Variants in CLOCK observed in about 807,000 individuals in gnomAD.
The protein encoded by CLOCK is circadian locomoter output cycles protein kaput.
CLOCK carries 43 observed loss-of-function variants against 118.4 expected under a neutral mutation model. The ratio of observed to expected loss-of-function variants is 0.36; its 90% CI spans 0.28 to 0.47. The LOEUF is 0.47. Ranked by LOEUF, CLOCK falls within the 20% of genes least tolerant of loss-of-function variation. The pLI, the probability that CLOCK is intolerant of heterozygous loss-of-function variation, is 1.00. For synonymous variants in CLOCK, 326 were observed against 339.2 expected (o/e 0.96, Z 0.43); for missense variants, 846 against 999.9 (o/e 0.85, Z 2.08).
At chr4:55,439,024 TA>T (rs1723132709) in intron 21 of CLOCK, among the ~76,000 whole-genome samples, 1 of 152,098 alleles carries the variant, frequency 6.6e-6, no homozygotes, top group African/African-American at 2.4e-5. Flanking sequence ...TGTATCAAAT[TA>T]AAAATCTTGT....
chr4:55,533,788 A>C (rs932471405), intron 1 of CLOCK, among the ~76,000 whole-genome samples: 3 of 152,162 alleles, frequency 2.0e-5, no homozygotes, highest in Non-Finnish European at 2.9e-5. Context: ...CTGTAATCCC[A>C]GCTACTCGGG....
rs34789226 is a variant in CLOCK, at chr4:55,463,739, T to C, written c.505A>G (p.Ile169Val). The C allele has an allele frequency of 7.3e-5, 118 of 1,612,422 alleles. No individual in the cohort carries two copies. The African/African-American group carries it at 1.4e-3, about 19-fold the overall frequency. ...CTTTCCAGCAGATGAGTAGAGAGTA[T>C]TTTATAAACCTCTGAATGTTCCCCT... ...PEGEHSEVYK[I>V]LSTHLLESDS... The change falls in exon 9 of 23, where the codon ATA (isoleucine) becomes GTA (valine). Residue 169 changes from isoleucine to valine, a missense_variant. Ile to Val is a conservative substitution (Grantham distance 29). Coordinates refer to ENST00000513440, the MANE Select transcript of CLOCK (RefSeq NM_004898.4).
Position 55,442,535 on chromosome 4 carries a change from A to G in CLOCK, c.2002T>C (p.Ser668Pro). Residue 668 changes from serine (S) to proline (P), a missense_variant, in exon 21 of 23, where the codon TCT (serine) becomes CCT (proline). Transcript: ENST00000513440. The stretch of plus-strand genomic sequence containing the variant: ...ACCATGCTTCCGGCTGCAGGCTGAG[A>G]AATCACCATAGTGTTATACAGTGGG... ...TAPLYNTMVISQPAAGSMVQI... is the reference protein window; with the variant it reads ...TAPLYNTMVIPQPAAGSMVQI... The G allele has an allele frequency of 6.2e-7, 1 of 1,610,508 alleles. No homozygotes were observed. The highest frequency in any genetic ancestry group is 8.5e-7 in the Non-Finnish European group (1 of 1,179,436).
intron 19 of CLOCK, among the ~76,000 whole-genome samples, 184 bp from the exon 20 acceptor site, chr4:55,444,080 A>G (rs1038063966): frequency 1.3e-5 from 2 of 152,220 alleles, no homozygotes; most frequent in African/African-American, 4.8e-5. Context: ...TCAATCTTTC[A>G]GTTATCTTGT....
In CLOCK at chr4:55,430,963, C is replaced by G. The variant is rs73151851; in HGVS notation, c.*4452G>C. The G allele has an allele frequency of 6.6e-6, 1 of 152,250 alleles. No homozygotes were observed. 9.4% of individuals were successfully genotyped at this position (152,250 alleles called of 1,614,324 possible). On this transcript the variant is annotated 3_prime_UTR_variant, in exon 23 of 23. Transcript: ENST00000513440. The stretch of plus-strand genomic sequence containing the variant: ...CTATCTTGAAATCACTCCCATAAAC[C>G]AACTACGGTTCACTGGACCTAAACA...
chr4:55,435,360 A>G lies in CLOCK; in HGVS notation c.*55T>C. The G allele has an allele frequency of 1.3e-6, 2 of 1,599,692 alleles. No homozygotes were observed. Among genetic ancestry groups the G allele is most frequent in the Non-Finnish European group, 1.7e-6 (2 of 1,168,000 alleles). On this transcript the variant is annotated 3_prime_UTR_variant, in exon 23 of 23. Coordinates refer to ENST00000513440, the MANE Select transcript of CLOCK (RefSeq NM_004898.4). ...CTCCTTTCCTCAGGTCATCTGAGTA[A>G]CTCTTAATGGGCCATCCCCTTCCTC...
At chr4:55,451,214 CA>C (rs1453218993) in intron 15 of CLOCK, among the ~76,000 whole-genome samples, 1 of 152,152 alleles carries the variant, frequency 6.6e-6, no homozygotes, top group African/African-American at 2.4e-5. Flanking sequence ...TGCTACTCCA[CA>C]AAATCTGTTC....
At chr4:55,496,930 A>G (rs1420814770) in intron 2 of CLOCK, among the ~76,000 whole-genome samples, 2 of 152,354 alleles carry the variant, frequency 1.3e-5, no homozygotes, top group East Asian at 3.9e-4. Flanking sequence ...ACAGAAAATC[A>G]TATTGTCATT....
intron 1 of CLOCK, among the ~76,000 whole-genome samples, chr4:55,531,328 T>C (rs972052683): frequency 6.6e-6 from 1 of 151,840 alleles, no homozygotes; most frequent in African/African-American, 2.4e-5. Flanking sequence ...AATTTGAAGT[T>C]AGTAAATCAA....
intron 1 of CLOCK, among the ~76,000 whole-genome samples, chr4:55,526,088 C>T (rs937289406): frequency 1.3e-5 from 2 of 152,028 alleles, no homozygotes; most frequent in African/African-American, 4.8e-5. Context: ...ATAAATATTC[C>T]ACAATCTGAA....
chr4:55,463,836 C>T, intron 8 of CLOCK, 31 bp from the exon 9 acceptor site: 1 of 1,584,988 alleles, frequency 6.3e-7, no homozygotes, highest in Non-Finnish European at 8.6e-7. Flanking sequence ...AGTAAAATAA[C>T]TTCAATGATT....
chr4:55,450,387 T>C (rs1168816133), intron 15 of CLOCK, among the ~76,000 whole-genome samples, 155 bp from the exon 16 acceptor site: 1 of 152,256 alleles, frequency 6.6e-6, no homozygotes. Context: ...TGAAAATTTA[T>C]GTGTTATAGC....
intron 21 of CLOCK, among the ~76,000 whole-genome samples, chr4:55,442,088 T>C (rs1017477483): frequency 3.9e-5 from 6 of 152,170 alleles, no homozygotes; most frequent in Admixed American, 3.9e-4. Flanking sequence ...CCCTAACCAC[T>C]GTTACTACAT....
chr4:55,484,354 G>A (rs938651875), intron 3 of CLOCK, among the ~76,000 whole-genome samples: 1 of 151,746 alleles, frequency 6.6e-6, no homozygotes. Flanking sequence ...CCATACCCAG[G>A]GCTAAGAGTT....
At chr4:55,472,740 C>A (rs943934587) in intron 7 of CLOCK, among the ~76,000 whole-genome samples, 52 of 151,930 alleles carry the variant, frequency 3.4e-4, no homozygotes, top group African/African-American at 9.2e-4. Context: ...CTTGTCCCCC[C>A]CCTTCTTTTG....
chr4:55,438,890 CAT>C (rs950692086), intron 21 of CLOCK, among the ~76,000 whole-genome samples: 2 of 152,088 alleles, frequency 1.3e-5, no homozygotes, highest in African/African-American at 4.8e-5. Flanking sequence ...TAGAAGAAAA[CAT>C]AGGGGAAAAG....
chr4:55,471,973 C>G (rs1726171427), intron 7 of CLOCK, among the ~76,000 whole-genome samples: 1 of 152,062 alleles, frequency 6.6e-6, no homozygotes, highest in Non-Finnish European at 1.5e-5. Flanking sequence ...GCTTGGGAGG[C>G]TGAGGCGAGA....
At chr4:55,524,208 A>G (rs1730024365) in intron 1 of CLOCK, among the ~76,000 whole-genome samples, 1 of 151,876 alleles carries the variant, frequency 6.6e-6, no homozygotes, top group Non-Finnish European at 1.5e-5. Flanking sequence ...TGGCCAACAC[A>G]GCAAAACCCG....
At chr4:55,491,164 T>C (rs1012926809) in intron 2 of CLOCK, among the ~76,000 whole-genome samples, 8 of 144,076 alleles carry the variant, frequency 5.6e-5, no homozygotes, top group Admixed American at 1.4e-4. Flanking sequence ...GCAGCAAAAG[T>C]GTTCTGACAG....
Sources: gnomAD v4.1 joint callset for allele counts (sites outside exome capture counted in the v4.1 genomes callset) on GRCh38, gnomAD v4.1.1 for gene constraint, MANE v1.5 for transcripts, NCBI Gene and HGNC (gene_info 2026-07-23, HGNC 2026-07-21) for gene names.